Variants in HSD3B2 observed in about 807,000 individuals in gnomAD.
The protein encoded by HSD3B2 is hydroxy-delta-5-steroid dehydrogenase, 3 beta- and steroid delta-isomerase 2.
A neutral mutation model predicts 9.9 loss-of-function variants in HSD3B2; 8 were observed. The ratio of observed to expected loss-of-function variants is 0.81; its 90% CI spans 0.47 to 1.46. The LOEUF (loss-of-function observed/expected upper bound fraction) is 1.46. HSD3B2 is among the 40% of genes most tolerant of loss of function. The pLI is 0.00. For synonymous variants in HSD3B2, 221 were observed against 184.5 expected (o/e 1.20, Z -1.60); for missense variants, 410 against 448.3 (o/e 0.91, Z 0.77).
chr1:119,421,029 C>A (rs1430222377), intron 3 of HSD3B2, among the ~76,000 whole-genome samples: 1 of 152,144 alleles, frequency 6.6e-6, no homozygotes, highest in Non-Finnish European at 1.5e-5. Context: ...AGCATCTCCC[C>A]ACAACCCACT....
At chr1:119,415,661 A>T in intron 2 of HSD3B2, 100 bp downstream of exon 2, 1 of 1,262,682 alleles carries the variant, frequency 7.9e-7, no homozygotes. Flanking sequence ...GTTGTAGCCA[A>T]ATGAAAGCCA....
In HSD3B2 at chr1:119,422,699, G is replaced by A. The variant is rs1390108392; in HGVS notation, c.*79G>A. On this transcript the variant is annotated 3_prime_UTR_variant, in exon 4 of 4. Transcript: ENST00000369416. ...TCCACCCACCTGGCTTCATACAGAA[G>A]GCAACAGGGGCACAAGCCCAGGTCC... 5 of 1,528,076 alleles carry A rather than the reference G, an allele frequency of 3.3e-6. No homozygotes were observed. Among genetic ancestry groups the A allele is most frequent in the Non-Finnish European group, 4.5e-6 (5 of 1,115,736 alleles). The allele number at this position is 1,528,076 out of a possible 1,614,324, so 94.7% of individuals were successfully genotyped here.
In HSD3B2 at chr1:119,422,504, C is replaced by T. The variant is rs148200568; in HGVS notation, c.1003C>T (p.Arg335Ter). The T allele has an allele frequency of 2.4e-5, 39 of 1,613,944 alleles. No homozygotes were observed. Among genetic ancestry groups the T allele is most frequent in the East Asian group, 6.7e-5 (3 of 44,874 alleles). The change falls in exon 4 of 4, where the codon CGA (arginine) becomes TGA (stop). Residue 335 changes from arginine to a stop codon, truncating the protein, a stop_gained. Coordinates refer to ENST00000369416, the MANE Select transcript of HSD3B2 (RefSeq NM_000198.4). LOFTEE classifies it low-confidence loss of function (END_TRUNC). ...VFTFSYKKAQ[R>*]DLAYKPLYSW... ...CACCTTCTCTTACAAGAAGGCTCAGCGAGATCTGGCGTATAAGCCACTCTA... is the reference window on the plus strand; with the variant it reads ...CACCTTCTCTTACAAGAAGGCTCAGTGAGATCTGGCGTATAAGCCACTCTA...
Position 119,422,177 on chromosome 1 carries a change from G to A in HSD3B2, c.676G>A (p.Gly226Ser). The A allele has an allele frequency of 6.2e-7, 1 of 1,614,090 alleles. No individual in the cohort carries two copies. Among genetic ancestry groups the A allele is most frequent in the Non-Finnish European group, 8.5e-7 (1 of 1,180,010 alleles). The change falls in exon 4 of 4, where the codon GGC becomes AGC. Residue 226 changes from glycine to serine, a missense_variant. By Grantham distance (56) the Gly-to-Ser change is moderately conservative. Coordinates refer to ENST00000369416, the MANE Select transcript of HSD3B2 (RefSeq NM_000198.4). ...CTCTACAGTCAACCCAGTCTATGTTGGCAACGTGGCCTGGGCCCACATTCT... is the reference window on the plus strand; with the variant it reads ...CTCTACAGTCAACCCAGTCTATGTTAGCAACGTGGCCTGGGCCCACATTCT... ...KFSTVNPVYV[G>S]NVAWAHILAL...
rs979301582 is a variant in HSD3B2, at chr1:119,422,075, G to T, written c.574G>T (p.Glu192Ter). 1.2e-6 allele frequency: 2 copies of T among 1,614,086 alleles called. No homozygotes were observed. The highest frequency in any genetic ancestry group is 1.7e-5 in the Admixed American group (1 of 60,020). Residue 192 changes from glutamate to a stop codon, truncating the protein, a stop_gained, in exon 4 of 4, where the codon GAA becomes TAA. Coordinates refer to ENST00000369416, the MANE Select transcript of HSD3B2 (RefSeq NM_000198.4). LOFTEE classifies it low-confidence loss of function (END_TRUNC). ...GTTAAGACCCACATATATCTATGGG[G>T]AAGGAGGCCCATTCCTTTCTGCCAG... is the stretch of plus-strand genomic sequence containing the variant. ...CALRPTYIYG[E>*]GGPFLSASIN...
chr1:119,422,837 A>G lies in HSD3B2; in HGVS notation c.*217A>G. 3.2e-6 allele frequency: 2 copies of G among 618,826 alleles called. No homozygotes were observed. Among genetic ancestry groups the G allele is most frequent in the East Asian group, 2.8e-5 (1 of 35,918 alleles). 38.3% of individuals were successfully genotyped at this position (618,826 alleles called of 1,614,324 possible). A position where few individuals can be genotyped will look rare whatever the true frequency, so the allele number is the denominator to read the frequency against. On this transcript the variant is annotated 3_prime_UTR_variant, in exon 4 of 4. Coordinates refer to ENST00000369416, the MANE Select transcript of HSD3B2 (RefSeq NM_000198.4). The stretch of plus-strand genomic sequence containing the variant: ...TGTCCTAATCATACACCAGAAGACA[A>G]ACAATATGATTTGCTGTTACCAAAT...
chr1:119,415,608 C>T (rs1419755265), intron 2 of HSD3B2, 47 bp downstream of exon 2: 2 of 1,603,288 alleles, frequency 1.2e-6, no homozygotes, highest in African/African-American at 1.3e-5. Context: ...TTAAACTCTG[C>T]ATGGGTGTGG....
Position 119,422,414 on chromosome 1 carries a change from A to T in HSD3B2, c.913A>T (p.Ser305Cys). Residue 305 changes from serine to cysteine, a missense_variant, in exon 4 of 4, where the codon AGC becomes TGC. Coordinates refer to ENST00000369416, the MANE Select transcript of HSD3B2 (RefSeq NM_000198.4). The part of the protein sequence containing the change: ...FLLEVVSFLL[S>C]PIYSYQPPFN... ...GCTGGAAGTAGTGAGCTTCCTACTC[A>T]GCCCAATTTACTCCTATCAACCCCC... 1.2e-6 allele frequency: 2 copies of T among 1,614,124 alleles called. No homozygotes were observed. The highest frequency in any genetic ancestry group is 1.7e-6 in the Non-Finnish European group (2 of 1,179,990).
chr1:119,415,967 G>A (rs587730757), intron 2 of HSD3B2, among the ~76,000 whole-genome samples: 2 of 152,258 alleles, frequency 1.3e-5, no homozygotes, highest in South Asian at 2.1e-4. Flanking sequence ...GACTGCCCCA[G>A]GCTTCATTTC....
chr1:119,422,321 G>A lies in HSD3B2; in HGVS notation c.820G>A (p.Glu274Lys). 1.2e-6 allele frequency: 2 copies of A among 1,614,176 alleles called. No homozygotes were observed. Among genetic ancestry groups the A allele is most frequent in the Non-Finnish European group, 1.7e-6 (2 of 1,180,010 alleles). ...TAACCTTAATTACATCCTGAGCAAA[G>A]AGTTTGGCCTCCGCCTTGATTCCAG... is the stretch of plus-strand genomic sequence containing the variant. ...YDNLNYILSK[E>K]FGLRLDSRWS... is the part of the protein sequence containing the mutation. The change falls in exon 4 of 4, where the codon GAG becomes AAG. Residue 274 changes from glutamate (E) to lysine (K), a missense_variant. Glu to Lys is a moderately conservative substitution (Grantham distance 56, BLOSUM62 1). Coordinates refer to ENST00000369416, the MANE Select transcript of HSD3B2 (RefSeq NM_000198.4).
rs28934880 is a variant in HSD3B2 at position 119,415,448 on chromosome 1, C to T, written c.29C>T (p.Ala10Val). ...GGCTGGAGCTGCCTTGTGACAGGAG[C>T]AGGAGGGCTTCTGGGTCAGAGGATC... Reference protein sequence around the residue: MGWSCLVTGAGGLLGQRIVR... With the variant: MGWSCLVTGVGGLLGQRIVR... The change falls in exon 2 of 4, where the codon GCA becomes GTA. Residue 10 changes from alanine (A) to valine (V), a missense_variant. By Grantham distance (64) the Ala-to-Val change is moderately conservative (BLOSUM62 0). Coordinates refer to ENST00000369416, the MANE Select transcript of HSD3B2 (RefSeq NM_000198.4). 2.5e-6 allele frequency: 4 copies of T among 1,613,892 alleles called. No individual in the cohort carries two copies. The highest frequency in any genetic ancestry group is 1.3e-5 in the African/African-American group (1 of 75,020).
intron 3 of HSD3B2, chr1:119,419,885 G>A (rs920751489): frequency 2.6e-6 from 1 of 381,150 alleles, no homozygotes; most frequent in South Asian, 2.5e-5. Flanking sequence ...TTTCTACTGT[G>A]GCCCCAATCA....
At position 119,419,578 on chromosome 1, in the gene HSD3B2, G is replaced by C. The variant is rs1651804743; in HGVS notation, c.303G>C (p.Val101=). 6.2e-7 allele frequency: 1 copy of C among 1,613,642 alleles called. No homozygotes were observed. The highest frequency in any genetic ancestry group is 1.1e-5 in the South Asian group (1 of 91,070). The change falls in exon 3 of 4, where the codon GTG becomes GTC. Residue 101 remains valine, a synonymous_variant. Coordinates refer to ENST00000369416, the MANE Select transcript of HSD3B2 (RefSeq NM_000198.4). The stretch of plus-strand genomic sequence containing the variant: ...GAGAGTCCATCATGAATGTCAATGT[G>C]AAAGGTACAGTAGCCTGGGGAGGAG... ...THRESIMNVN[V]KGTQLLLEAC... is the part of the protein sequence containing the mutation.
upstream of HSD3B2, chr1:119,415,050 T>TGGA (rs1651666077): frequency 3.1e-6 from 1 of 321,358 alleles, no homozygotes; most frequent in Admixed American, 4.3e-5. Flanking sequence ...AAAGGGATTC[T>TGGA]GGAGGAGGAG....
rs150892928 is a variant in HSD3B2 at position 119,419,497 on chromosome 1, C to T, written c.222C>T (p.Asp74=). Residue 74 remains aspartate, a synonymous_variant, in exon 3 of 4, where the codon GAC becomes GAT. Transcript: ENST00000369416. ...DEPFLKRACQ[D]VSVVIHTACI... Reference sequence around the variant, plus strand: ...CATTCCTGAAAAGAGCCTGCCAGGACGTCTCGGTCGTCATCCACACCGCCT... The same window carrying T: ...CATTCCTGAAAAGAGCCTGCCAGGATGTCTCGGTCGTCATCCACACCGCCT... The T allele has an allele frequency of 5.2e-4, 837 of 1,613,532 alleles. No homozygotes were observed. Among genetic ancestry groups the T allele is most frequent in the Non-Finnish European group, 6.6e-4 (777 of 1,179,670 alleles).
chr1:119,421,417 GTATATATATGTATATAT>G (rs1651858336), intron 3 of HSD3B2, among the ~76,000 whole-genome samples: 1 of 90,334 alleles, frequency 1.1e-5, no homozygotes, highest in African/African-American at 9.0e-5. Flanking sequence ...ATATATATAT[GTATATATATGTATATAT>G]ATATATGTAT....
intron 2 of HSD3B2, among the ~76,000 whole-genome samples, chr1:119,418,842 G>C (rs1651782041): frequency 6.6e-6 from 1 of 151,854 alleles, no homozygotes; most frequent in South Asian, 2.1e-4. Context: ...AGTAAAGACA[G>C]GGTTTTGCCA....
Position 119,422,044 on chromosome 1 carries a change from T to G in HSD3B2, c.543T>G (p.Thr181=), listed in dbSNP as rs1469450967. 6.2e-7 allele frequency: 1 copy of G among 1,614,132 alleles called. No homozygotes were observed. Among genetic ancestry groups the G allele is most frequent in the South Asian group, 1.1e-5 (1 of 91,080 alleles). ...WNLKNGDTLY[T]CALRPTYIYG... ...TAAAAAATGGTGATACCTTGTACAC[T>G]TGTGCGTTAAGACCCACATATATCT... Residue 181 remains threonine (T), a synonymous_variant, in exon 4 of 4, where the codon ACT becomes ACG. Transcript: ENST00000369416.
intron 2 of HSD3B2, among the ~76,000 whole-genome samples, chr1:119,417,820 C>T (rs1651751093): frequency 6.6e-6 from 1 of 152,130 alleles, no homozygotes; most frequent in South Asian, 2.1e-4. Context: ...ACAGCTATTC[C>T]TGCACCTGGG....
Sources: allele counts gnomAD v4.1 joint callset (sites outside exome capture counted in the v4.1 genomes callset), GRCh38; gene constraint gnomAD v4.1.1; transcripts MANE v1.5; gene names NCBI Gene and HGNC (gene_info 2026-07-23, HGNC 2026-07-21).